The following WWP2 variants were observed in gnomAD, a reference collection of about 807,000 sequenced individuals.
The protein encoded by WWP2 is WW domain containing E3 ubiquitin protein ligase 2.
Under a neutral mutation model 121.0 loss-of-function variants are expected in WWP2, and 57 were observed. The observed-to-expected ratio is 0.47, with a 90% CI of 0.38 to 0.59. The LOEUF is 0.59. Among genes scored for constraint, WWP2 ranks in the 20% least tolerant of loss-of-function variants. The pLI is 0.00. For missense variants in WWP2, 962 were observed against 1,158.9 expected, an observed-to-expected ratio of 0.83 and a Z score of 2.47; for synonymous variants, 449 against 441.3, an observed-to-expected ratio of 1.02 and a Z score of -0.22.
intron 6 of WWP2, among the ~76,000 whole-genome samples, chr16:69,869,665 T>G (rs1010843130): frequency 6.6e-6 from 1 of 152,156 alleles, no homozygotes; most frequent in Admixed American, 6.5e-5. Flanking sequence ...GTTTTTTTCC[T>G]TACTCACAAG....
At chr16:69,830,565 C>T (rs2151858162) in intron 4 of WWP2, among the ~76,000 whole-genome samples, 1 of 152,286 alleles carries the variant, frequency 6.6e-6, no homozygotes, top group South Asian at 2.1e-4. Context: ...GAAGAGACTG[C>T]AAGACCAAGC....
intron 4 of WWP2, among the ~76,000 whole-genome samples, chr16:69,805,848 A>G (rs2056264906): frequency 6.7e-6 from 1 of 149,000 alleles, no homozygotes; most frequent in Admixed American, 6.8e-5. Flanking sequence ...TGTATCAAAT[A>G]TCTATTAAGC....
intron 10 of WWP2, among the ~76,000 whole-genome samples, chr16:69,921,619 C>T (rs1474690838): frequency 6.6e-6 from 1 of 152,158 alleles, no homozygotes; most frequent in African/African-American, 2.4e-5. Flanking sequence ...TGTATCTTTT[C>T]GTTTGCTTGC....
At chr16:69,790,016 A>T (rs1484509701) in intron 2 of WWP2, among the ~76,000 whole-genome samples, 6 of 152,114 alleles carry the variant, frequency 3.9e-5, no homozygotes, top group Non-Finnish European at 1.5e-5. Context: ...GCTGAGGCAG[A>T]CAGATTCCCT....
chr16:69,912,865 T>TGAGTCCAG (rs1567426987), intron 9 of WWP2, among the ~76,000 whole-genome samples: 1 of 131,352 alleles, frequency 7.6e-6, no homozygotes, highest in Non-Finnish European at 1.6e-5. Context: ...GAGGATCGCT[T>TGAGTCCAG]GAGTCCAGGA....
rs184905291 is a variant in WWP2 at position 69,856,666 on chromosome 16, C to T, written c.575+14546C>T. 7.6e-3 allele frequency among the ~76,000 whole-genome samples: 1,149 copies of T among 151,682 alleles called. 16 individuals carry two copies. Among genetic ancestry groups the T allele is most frequent in the African/African-American group, 0.025 (1,040 of 41,350 alleles). The stretch of plus-strand genomic sequence containing the variant: ...GCATGTGCCTGTAGTCTCAGCTACT[C>T]GGGAGGCTGAGGCAGGAGGATTGCT... On this transcript the variant is annotated intron_variant, in intron 6 of 23. Transcript: ENST00000359154.
intron 1 of WWP2, among the ~76,000 whole-genome samples, chr16:69,775,996 A>T (rs551067239): frequency 3.3e-5 from 5 of 152,248 alleles, no homozygotes; most frequent in African/African-American, 1.2e-4. Context: ...TTTCCCTAAA[A>T]ACTCCTTCTT....
intron 4 of WWP2, among the ~76,000 whole-genome samples, chr16:69,801,625 G>A (rs1374396501): frequency 6.6e-6 from 1 of 152,044 alleles, no homozygotes; most frequent in African/African-American, 2.4e-5. Context: ...ACAGCTCACT[G>A]TAGCCTCAAA....
rs139657103 is a variant in WWP2, at chr16:69,817,374, G to A, written c.340+18079G>A. 3.3e-3 allele frequency among the ~76,000 whole-genome samples: 502 copies of A among 152,114 alleles called. 5 individuals carry two copies. Among genetic ancestry groups the A allele is most frequent in the African/African-American group, 0.011 (473 of 41,482 alleles). On this transcript the variant is annotated intron_variant, in intron 4 of 23. Coordinates refer to ENST00000359154, the MANE Select transcript of WWP2 (RefSeq NM_001270454.2). ...AGCGATTCTCCCATCTTAGCCTCCC[G>A]AATAGTTGGGATTACAGATGTGCAC...
chr16:69,930,274 A>C lies in WWP2; in HGVS notation c.1445+16A>C. 1 of 1,611,946 alleles carries C rather than the reference A, an allele frequency of 6.2e-7. No individual in the cohort carries two copies. The highest frequency in any genetic ancestry group is 8.5e-7 in the Non-Finnish European group (1 of 1,178,858). Reference sequence around the variant, plus strand: ...TTGAGTCGGGGTAAGGACTTTGTGCAGGTAGCAGCAGTGTCAGGAGCCGAG... The same window carrying C: ...TTGAGTCGGGGTAAGGACTTTGTGCCGGTAGCAGCAGTGTCAGGAGCCGAG... On this transcript the variant is annotated intron_variant, in intron 13 of 23. Transcript: ENST00000359154.
intron 23 of WWP2, 142 bp from the exon 24 acceptor site, chr16:69,939,699 G>A: frequency 1.3e-6 from 1 of 752,280 alleles, no homozygotes; most frequent in Non-Finnish European, 2.0e-6. Context: ...CCAGGCACCT[G>A]CAATGTGAAG....
At chr16:69,790,585 T>C (rs1019700212) in intron 2 of WWP2, among the ~76,000 whole-genome samples, 2 of 151,864 alleles carry the variant, frequency 1.3e-5, no homozygotes, top group African/African-American at 2.4e-5. Context: ...TTTTTTTTTG[T>C]TTGTTTTTGA....
At chr16:69,883,400 G>GCGCGCA (rs141327083) in intron 7 of WWP2, among the ~76,000 whole-genome samples, 27 of 145,862 alleles carry the variant, frequency 1.9e-4, no homozygotes, top group Non-Finnish European at 2.6e-4. Flanking sequence ...AAGAATGTGC[G>GCGCGCA]CACACACACA....
At chr16:69,813,428 C>T (rs953085615) in intron 4 of WWP2, among the ~76,000 whole-genome samples, 2 of 152,086 alleles carry the variant, frequency 1.3e-5, no homozygotes, top group African/African-American at 4.8e-5. Flanking sequence ...TCCCAAAGTG[C>T]TGGGATTACA....
At chr16:69,839,098 G>A (rs923910600) in intron 4 of WWP2, among the ~76,000 whole-genome samples, 3 of 128,600 alleles carry the variant, frequency 2.3e-5, no homozygotes, top group African/African-American at 8.8e-5. Flanking sequence ...TAGAAGACAG[G>A]TAAGATAGCT....
intron 4 of WWP2, among the ~76,000 whole-genome samples, chr16:69,801,443 C>G (rs1023450682): frequency 7.2e-5 from 11 of 152,014 alleles, no homozygotes; most frequent in Admixed American, 2.0e-4. Context: ...ACTATGTTGC[C>G]AGGATGGTCT....
At chr16:69,829,595 C>A (rs2056759639) in intron 4 of WWP2, among the ~76,000 whole-genome samples, 1 of 152,204 alleles carries the variant, frequency 6.6e-6, no homozygotes, top group Admixed American at 6.5e-5. Context: ...TGCTAGCTGT[C>A]TTCTTGAAAC....
chr16:69,929,687 T>C (rs1321065810), intron 12 of WWP2, among the ~76,000 whole-genome samples, 158 bp downstream of exon 12: 1 of 152,222 alleles, frequency 6.6e-6, no homozygotes, highest in African/African-American at 2.4e-5. Flanking sequence ...ACAGATACAC[T>C]GTTGGCCTGA....
rs66601463 is a variant in WWP2, at chr16:69,786,137, CTTT to C, written c.-15-847_-15-845del. 3.6e-4 allele frequency: 51 copies of C among 139,930 alleles called. No individual in the cohort carries two copies. The Middle Eastern group carries it at 0.025, about 68-fold the overall frequency. 8.7% of individuals were successfully genotyped at this position (139,930 alleles called of 1,614,324 possible). A position where few individuals can be genotyped will look rare whatever the true frequency, so the allele number is the denominator to read the frequency against. ...TCTGTGATGTTCTTTTTGGAGATGT[CTTT>C]TTTTTTTTTTTCTTCTTTTTTTGAG... is the stretch of plus-strand genomic sequence containing the variant. On this transcript the variant is annotated intron_variant, in intron 1 of 23. Transcript: ENST00000359154.
Sources: allele counts gnomAD v4.1 joint callset (sites outside exome capture counted in the v4.1 genomes callset), GRCh38; gene constraint gnomAD v4.1.1; transcripts MANE v1.5; gene names NCBI Gene and HGNC (gene_info 2026-07-23, HGNC 2026-07-21).